Variants in BRD10 observed in about 807,000 individuals in gnomAD.
The protein encoded by BRD10 is bromodomain containing 10.
chr9:5,922,500 T>G, the BRD10 span: 6 of 1,613,888 alleles, frequency 3.7e-6, no homozygotes, highest in African/African-American at 1.3e-5. Context: ...AAAGCTGTAT[T>G]TGGTAGTTGG....
At chr9:5,928,766 C>T in the BRD10 span, among the ~76,000 whole-genome samples, 1 of 152,130 alleles carries the variant, frequency 6.6e-6, no homozygotes, top group African/African-American at 2.4e-5. Flanking sequence ...TTTCTTAACC[C>T]CCTTACCTTG....
chr9:5,903,727 T>C, the BRD10 span, among the ~76,000 whole-genome samples: 7 of 152,352 alleles, frequency 4.6e-5, no homozygotes, highest in African/African-American at 1.7e-4. Context: ...TCTTGGAGAA[T>C]GAACACCTTT....
At chr9:6,007,772 TC>T in the BRD10 span, 1 of 1,561,306 alleles carries the variant, frequency 6.4e-7, no homozygotes, top group African/African-American at 1.4e-5. Context: ...GCTCCCGGCG[TC>T]CCGGGCACAC....
chr9:5,879,918 C>T, the BRD10 span, among the ~76,000 whole-genome samples: 41 of 152,084 alleles, frequency 2.7e-4, no homozygotes, highest in Admixed American at 2.6e-3. Context: ...AAAAATGCTA[C>T]GTAGAACTTA....
the BRD10 span, among the ~76,000 whole-genome samples, chr9:5,932,667 A>T: frequency 6.6e-6 from 1 of 152,170 alleles, no homozygotes; most frequent in Non-Finnish European, 1.5e-5. Context: ...GGGTCCTGGA[A>T]CCAATCTCCC....
the BRD10 span, among the ~76,000 whole-genome samples, chr9:5,894,658 G>A: frequency 3.9e-5 from 6 of 152,278 alleles, no homozygotes; most frequent in African/African-American, 1.4e-4. This position sits in a 1 kb window ranked among gnomAD's most constrained non-coding sequence, Gnocchi z 4.0. Flanking sequence ...GCCGGAAAAC[G>A]AGCTGGTGCT....
At chr9:5,966,921 G>A in the BRD10 span, among the ~76,000 whole-genome samples, 1 of 152,034 alleles carries the variant, frequency 6.6e-6, no homozygotes, top group African/African-American at 2.4e-5. Flanking sequence ...GAAATTTTCA[G>A]TCCATTAAAT....
the BRD10 span, among the ~76,000 whole-genome samples, chr9:5,895,209 C>T: frequency 1.3e-5 from 2 of 152,118 alleles, no homozygotes; most frequent in African/African-American, 4.8e-5. Flanking sequence ...TGTAGGAACC[C>T]CTGAATACAT....
At chr9:5,904,961 G>C in the BRD10 span, among the ~76,000 whole-genome samples, 2 of 151,802 alleles carry the variant, frequency 1.3e-5, no homozygotes, top group Non-Finnish European at 2.9e-5. Context: ...TTATAGTAGA[G>C]ATGTCATTTC....
the BRD10 span, among the ~76,000 whole-genome samples, chr9:5,985,552 G>A: frequency 2.6e-5 from 4 of 152,178 alleles, no homozygotes; most frequent in Admixed American, 2.0e-4. Context: ...GTGGGAGGCC[G>A]AGGTGGGCAG....
chr9:6,001,472 A>C, the BRD10 span, among the ~76,000 whole-genome samples: 1 of 152,176 alleles, frequency 6.6e-6, no homozygotes, highest in South Asian at 2.1e-4. Context: ...ACTGGGTATA[A>C]ACTGTTCCCC....
At chr9:5,923,262 G>C in the BRD10 span, 3 of 1,613,338 alleles carry the variant, frequency 1.9e-6, no homozygotes, top group African/African-American at 2.7e-5. Context: ...TTTTTCAACA[G>C]CTTGCTTCTA....
At chr9:5,921,246 C>A in the BRD10 span, 2 of 1,614,000 alleles carry the variant, frequency 1.2e-6, no homozygotes, top group African/African-American at 1.3e-5. Context: ...GAAGTATTTA[C>A]AATTGCTTGA....
the BRD10 span, among the ~76,000 whole-genome samples, chr9:5,991,724 TAAAA>T: frequency 2.5e-5 from 3 of 118,020 alleles, no homozygotes; most frequent in Admixed American, 8.8e-5. Flanking sequence ...GACTCTGTCT[TAAAA>T]AAAAAAAAAA....
chr9:5,885,379 CTCT>C, the BRD10 span, among the ~76,000 whole-genome samples: 3 of 23,780 alleles, frequency 1.3e-4, no homozygotes, highest in Non-Finnish European at 5.1e-4. Flanking sequence ...CGTATGTTAT[CTCT>C]TTTTTTTTTT....
the BRD10 span, chr9:6,007,429 C>T: frequency 5.6e-6 from 9 of 1,606,506 alleles, no homozygotes; most frequent in Non-Finnish European, 7.7e-6. Context: ...GCCCCCGCTG[C>T]GCGGCCCTTC....
At chr9:5,907,291 T>C in the BRD10 span, 1 of 199,550 alleles carries the variant, frequency 5.0e-6, no homozygotes, top group Non-Finnish European at 1.0e-5. Flanking sequence ...AAAGGAAGAA[T>C]TTAGTCCTGG....
chr9:5,887,550 T>C, the BRD10 span, among the ~76,000 whole-genome samples: 1 of 152,238 alleles, frequency 6.6e-6, no homozygotes. Flanking sequence ...CAGGCTATTA[T>C]AGAACCCAGC....
the BRD10 span, among the ~76,000 whole-genome samples, chr9:5,893,280 T>G: frequency 1.3e-5 from 2 of 152,094 alleles, no homozygotes; most frequent in Non-Finnish European, 2.9e-5. Context: ...AGGGACATAC[T>G]CTGTACGTGC....
Sources: gnomAD v4.1 joint callset for allele counts (sites outside exome capture counted in the v4.1 genomes callset) on GRCh38, gnomAD v4.1.1 for gene constraint, Gnocchi (gnomAD v3.1) non-coding constraint, MANE v1.5 for transcripts, NCBI Gene and HGNC (gene_info 2026-07-23, HGNC 2026-07-21) for gene names.